The following MCRIP2 variants were observed in gnomAD, a reference collection of about 807,000 sequenced individuals.
MCRIP2 encodes MAPK regulated corepressor interacting protein 2, also known as MAPK regulated co-repressor interacting protein 2.
A neutral mutation model predicts 23.2 loss-of-function variants in MCRIP2; 21 were observed. The observed-to-expected ratio is 0.90, with a 90% CI of 0.64 to 1.30. The LOEUF is 1.30. Among genes scored for constraint, MCRIP2 ranks in the 50% most tolerant of loss-of-function variants. The probability of loss-of-function intolerance (pLI) is 0.00; values close to 1 mark genes in which losing one functional copy is unlikely to be tolerated. For missense variants in MCRIP2, 234 were observed against 223.2 expected (o/e 1.05, Z -0.31); for synonymous variants, 121 against 100.2 (o/e 1.21, Z -1.24).
chr16:642,381 G>A, intron 2 of MCRIP2, 132 bp downstream of exon 2: 4 of 899,746 alleles, frequency 4.4e-6, no homozygotes, highest in Non-Finnish European at 5.5e-6. Flanking sequence ...CGGGCGCTCC[G>A]GGCGCGGGGG....
Position 646,056 on chromosome 16 carries a change from C to G in MCRIP2, c.183-1361C>G, listed in dbSNP as rs2037472385. 1 of 152,210 alleles carries G rather than the reference C, an allele frequency of 6.6e-6. No individual in the cohort carries two copies. Among genetic ancestry groups the G allele is most frequent in the Non-Finnish European group, 1.5e-5 (1 of 68,060 alleles). The allele number at this position is 152,210 out of a possible 1,614,324, so 9.4% of individuals were successfully genotyped here. A position where few individuals can be genotyped will look rare whatever the true frequency, so the allele number is the denominator to read the frequency against. ...GTTGGCGGTGATCCATAGGTGCTCGCCGGGCCGGTGCCCTTTCCCCCAGAG... is the reference window on the plus strand; with the variant it reads ...GTTGGCGGTGATCCATAGGTGCTCGGCGGGCCGGTGCCCTTTCCCCCAGAG... On this transcript the variant is annotated intron_variant, in intron 2 of 4. Coordinates refer to ENST00000307650, the MANE Select transcript of MCRIP2 (RefSeq NM_138418.4). The surrounding 1 kb of genome is among the most constrained non-coding windows in gnomAD (Gnocchi z 6.5).
intron 2 of MCRIP2, chr16:642,670 T>G: frequency 1.3e-5 from 2 of 152,686 alleles, no homozygotes; most frequent in Non-Finnish European, 1.5e-5. Context: ...GTGCGTGCGC[T>G]TCCCTCGGGC....
chr16:642,502 C>T (rs967626117), intron 2 of MCRIP2: 2 of 219,104 alleles, frequency 9.1e-6, no homozygotes. Context: ...TCCTGGGTCG[C>T]AGGGGCCTCC....
intron 2 of MCRIP2, 118 bp downstream of exon 2, chr16:642,367 G>A: frequency 9.8e-7 from 1 of 1,017,054 alleles, no homozygotes; most frequent in African/African-American, 1.7e-5. Flanking sequence ...TGCTGCAGGC[G>A]GGGCGGGCGC....
chr16:648,218 C>A lies in MCRIP2; in HGVS notation c.*28C>A, dbSNP rs201674451. The A allele has an allele frequency of 1.0e-5, 16 of 1,591,870 alleles. No individual in the cohort carries two copies. In the East Asian group the frequency reaches 2.0e-4, roughly 20 times the overall value. ...GCTGCTGGGAGGGGGCGCTGCTACA[C>A]GGCCGACCTGTCGCCAGGAGAGAAG... is the stretch of plus-strand genomic sequence containing the variant. On this transcript the variant is annotated 3_prime_UTR_variant, in exon 5 of 5. Coordinates refer to ENST00000307650, the MANE Select transcript of MCRIP2 (RefSeq NM_138418.4).
At chr16:642,411 T>G in intron 2 of MCRIP2, 162 bp downstream of exon 2, 2 of 574,824 alleles carry the variant, frequency 3.5e-6, no homozygotes. Flanking sequence ...TCCTGCCCAC[T>G]ACGCGCCCGC....
chr16:642,560 C>A (rs986235450), intron 2 of MCRIP2: 2 of 171,352 alleles, frequency 1.2e-5, no homozygotes, highest in Non-Finnish European at 2.5e-5. Flanking sequence ...CTGCTGGAAC[C>A]CTGACGTGCA....
chr16:647,735 G>A (rs1385863099), intron 3 of MCRIP2, 48 bp from the exon 4 acceptor site: 2 of 1,527,736 alleles, frequency 1.3e-6, no homozygotes, highest in South Asian at 1.2e-5. Context: ...CTGGGTGGGC[G>A]ATGGGGTGCC....
rs77748520 is a variant in MCRIP2, at chr16:643,354, G to T, written c.182+1105G>T. Among the ~76,000 whole-genome samples the T allele has an allele frequency of 7.8e-4, 119 of 152,178 alleles. 6 individuals are homozygous for T. The South Asian group carries it at 0.016, about 21-fold the overall frequency. On this transcript the variant is annotated intron_variant, in intron 2 of 4. Coordinates refer to ENST00000307650, the MANE Select transcript of MCRIP2 (RefSeq NM_138418.4). ...TGAGGCTGGAGTGGCCCAGGGTGAC[G>T]CCGTCTCTCTTAACCTGGGGAAACC...
Position 647,613 on chromosome 16 carries a change from C to T in MCRIP2, c.310+69C>T, listed in dbSNP as rs1022705052. 3.8e-6 allele frequency: 6 copies of T among 1,588,320 alleles called. No individual in the cohort carries two copies. In the African/African-American group the frequency reaches 4.0e-5, roughly 11 times the overall value. On this transcript the variant is annotated intron_variant, in intron 3 of 4. Coordinates refer to ENST00000307650, the MANE Select transcript of MCRIP2 (RefSeq NM_138418.4). ...CAAAACCATGGACCCGGGATGGCCC[C>T]ACTTCAAGCTGACCCACAGCCGCTG...
chr16:642,108 C>G lies in MCRIP2; in HGVS notation c.53-12C>G. On this transcript the variant is annotated splice_polypyrimidine_tract_variant and intron_variant, in intron 1 of 4. Coordinates refer to ENST00000307650, the MANE Select transcript of MCRIP2 (RefSeq NM_138418.4). ...GGCGCGGCGGCGGCTGACCGCCCCC[C>G]GGTGCCCGCAGGTCCCACGCAGCAG... is the stretch of plus-strand genomic sequence containing the variant. 2 of 1,337,182 alleles carry G rather than the reference C, an allele frequency of 1.5e-6. No homozygotes were observed. The highest frequency in any genetic ancestry group is 9.6e-7 in the Non-Finnish European group (1 of 1,046,000). The allele number at this position is 1,337,182 out of a possible 1,614,324, so 82.8% of individuals were successfully genotyped here.
chr16:648,098 G>C, intron 4 of MCRIP2, 22 bp from the exon 5 acceptor site: 1 of 1,583,772 alleles, frequency 6.3e-7, no homozygotes, highest in Non-Finnish European at 8.6e-7. Context: ...CAGCATCACT[G>C]CCCAGCCTTC....
chr16:642,348 C>A, intron 2 of MCRIP2, 99 bp downstream of exon 2: 1 of 1,062,988 alleles, frequency 9.4e-7, no homozygotes, highest in South Asian at 4.6e-5. Flanking sequence ...TTAGTGAGGT[C>A]CGGCCACGTG....
chr16:642,148 G>C lies in MCRIP2; in HGVS notation c.81G>C (p.Arg27=). 7.3e-7 allele frequency: 1 copy of C among 1,362,856 alleles called. No homozygotes were observed. Among genetic ancestry groups the C allele is most frequent in the Non-Finnish European group, 9.5e-7 (1 of 1,054,900 alleles). 84.4% of individuals were successfully genotyped at this position (1,362,856 alleles called of 1,614,324 possible). Residue 27 remains arginine, a synonymous_variant, in exon 2 of 5, where the codon CGG becomes CGC. Coordinates refer to ENST00000307650, the MANE Select transcript of MCRIP2 (RefSeq NM_138418.4). ...CCACGCAGCAGCAGGTGGAGGGCCG[G>C]CTCGGCGAGCTCCTGAAATGCCGGC... ...TGPTQQQVEG[R]LGELLKCRQP...
Position 641,943 on chromosome 16 carries a change from A to C in MCRIP2, c.-49A>C, listed in dbSNP as rs2037348601. ...GTCCGTTAAGTGCGAGCCCCGGCGC[A>C]GGGGCCGGATCTGGCCGGGGGCCGG... On this transcript the variant is annotated 5_prime_UTR_variant, in exon 1 of 5. Transcript: ENST00000307650. 5.5e-6 allele frequency: 7 copies of C among 1,279,192 alleles called. No homozygotes were observed. Among genetic ancestry groups the C allele is most frequent in the Non-Finnish European group, 5.9e-6 (6 of 1,013,932 alleles). The allele number at this position is 1,279,192 out of a possible 1,614,324, so 79.2% of individuals were successfully genotyped here. A position where few individuals can be genotyped will look rare whatever the true frequency, so the allele number is the denominator to read the frequency against.
At chr16:644,917 C>T (rs2037438736) in intron 2 of MCRIP2, among the ~76,000 whole-genome samples, 1 of 151,978 alleles carries the variant, frequency 6.6e-6, no homozygotes, top group African/African-American at 2.4e-5. Context: ...TGGGCACTGC[C>T]CACGACAGTG....
intron 2 of MCRIP2, chr16:645,509 G>C (rs181048951): frequency 2.0e-5 from 3 of 152,190 alleles, no homozygotes; most frequent in Admixed American, 2.0e-4. Flanking sequence ...CACCCGCCTC[G>C]GCCTCCCAAA....
rs1006679631 is a variant in MCRIP2 at position 648,418 on chromosome 16, A to T, written c.*228A>T. 2.3e-4 allele frequency: 128 copies of T among 567,474 alleles called. No homozygotes were observed. Among genetic ancestry groups the T allele is most frequent in the Middle Eastern group, 1.4e-3 (3 of 2,148 alleles). The allele number at this position is 567,474 out of a possible 1,614,324, so 35.2% of individuals were successfully genotyped here. On this transcript the variant is annotated 3_prime_UTR_variant, in exon 5 of 5. Transcript: ENST00000307650. ...TGCTCACTGTGCCCAGGGACCAGCG[A>T]CCAGCCCCTGGGGCTGGCAGGGAGG...
intron 2 of MCRIP2, 183 bp from the exon 3 acceptor site, chr16:647,234 G>A: frequency 1.4e-6 from 1 of 703,482 alleles, no homozygotes; most frequent in Non-Finnish European, 2.3e-6. Context: ...CCGATGGCTT[G>A]GGGACTGCAA....
Sources: allele counts gnomAD v4.1 joint callset (sites outside exome capture counted in the v4.1 genomes callset), GRCh38; gene constraint gnomAD v4.1.1; non-coding constraint Gnocchi (gnomAD v3.1); transcripts MANE v1.5; gene names NCBI Gene and HGNC (gene_info 2026-07-23, HGNC 2026-07-21).